Variants in SORT1 observed in about 807,000 individuals in gnomAD.
SORT1 encodes sortilin 1.
A neutral mutation model predicts 101.7 loss-of-function variants in SORT1; 39 were observed. The observed-to-expected ratio is 0.38, with a 90% CI of 0.30 to 0.50. The LOEUF is 0.50. Among genes scored for constraint, SORT1 ranks in the 20% least tolerant of loss-of-function variants. The probability of loss-of-function intolerance (pLI) is 0.90; values close to 1 mark genes in which losing one functional copy is unlikely to be tolerated. For synonymous variants in SORT1, 396 were observed against 393.7 expected (o/e 1.01, Z -0.07); for missense variants, 878 against 1,040.4 (o/e 0.84, Z 2.15).
At chr1:109,348,359 A>C (rs895954903) in intron 6 of SORT1, among the ~76,000 whole-genome samples, 13 of 152,090 alleles carry the variant, frequency 8.5e-5, no homozygotes, top group African/African-American at 3.1e-4. Context: ...GTGAGTAAAC[A>C]GCAGCATCCT....
chr1:109,315,596 C>CCT (rs1658983097), intron 17 of SORT1, among the ~76,000 whole-genome samples: 1 of 152,080 alleles, frequency 6.6e-6, no homozygotes, highest in African/African-American at 2.4e-5. Flanking sequence ...TCCAGCTTGA[C>CCT]CTCTCCTATT....
chr1:109,319,952 C>T (rs549897229), intron 15 of SORT1, among the ~76,000 whole-genome samples: 11 of 152,096 alleles, frequency 7.2e-5, no homozygotes, highest in East Asian at 5.8e-4. Context: ...GGAGCCCTCT[C>T]GGGTCTCATT....
At chr1:109,332,987 G>A (rs1310918374) in intron 11 of SORT1, among the ~76,000 whole-genome samples, 2 of 152,096 alleles carry the variant, frequency 1.3e-5, no homozygotes, top group Admixed American at 1.3e-4. Flanking sequence ...GAGTGCAATG[G>A]TGCGGTCTCG....
intron 6 of SORT1, among the ~76,000 whole-genome samples, chr1:109,348,573 C>G (rs1649749688): frequency 6.6e-6 from 1 of 152,132 alleles, no homozygotes; most frequent in Admixed American, 6.6e-5. Context: ...ACTGCAGCCT[C>G]GAACTCCTCG....
intron 9 of SORT1, 60 bp from the exon 10 acceptor site, chr1:109,340,939 T>C (rs764624912): frequency 1.5e-6 from 2 of 1,373,182 alleles, no homozygotes; most frequent in Non-Finnish European, 2.0e-6. Context: ...AGAAAAACAA[T>C]AGTCTAACCA....
At chr1:109,320,050 C>T (rs983134615) in intron 15 of SORT1, among the ~76,000 whole-genome samples, 1 of 152,050 alleles carries the variant, frequency 6.6e-6, no homozygotes, top group African/African-American at 2.4e-5. Flanking sequence ...ATCTGTTTCT[C>T]TGCCCTCTGC....
chr1:109,390,184 G>A (rs1197334163), intron 1 of SORT1, among the ~76,000 whole-genome samples: 1 of 152,096 alleles, frequency 6.6e-6, no homozygotes, highest in African/African-American at 2.4e-5. Flanking sequence ...TCAGCCAGAG[G>A]GCTTTCCCAG....
At chr1:109,328,429 T>G (rs1648228333) in intron 11 of SORT1, among the ~76,000 whole-genome samples, 1 of 152,246 alleles carries the variant, frequency 6.6e-6, no homozygotes, top group Non-Finnish European at 1.5e-5. Context: ...CTAATCTGTG[T>G]GAGGAGATAC....
At chr1:109,397,417 C>A (rs979609870) in intron 1 of SORT1, 170 bp downstream of exon 1, 50 of 231,120 alleles carry the variant, frequency 2.2e-4, no homozygotes, top group African/African-American at 1.1e-3. Context: ...CGCCGGCCGC[C>A]CGGGCCCGAC....
At chr1:109,385,538 A>G (rs1356613034) in intron 1 of SORT1, among the ~76,000 whole-genome samples, 1 of 152,216 alleles carries the variant, frequency 6.6e-6, no homozygotes, top group Non-Finnish European at 1.5e-5. Context: ...AAGAAAAGAA[A>G]GTGACAGAGA....
At chr1:109,380,811 C>CAT in intron 1 of SORT1, among the ~76,000 whole-genome samples, 1 of 11,856 alleles carries the variant, frequency 8.4e-5, no homozygotes, top group South Asian at 3.2e-3. Context: ...ACCCTGTCGC[C>CAT]ACAAAAAAAA....
chr1:109,334,668 A>T (rs1378322404), intron 11 of SORT1, among the ~76,000 whole-genome samples: 1 of 152,170 alleles, frequency 6.6e-6, no homozygotes, highest in Non-Finnish European at 1.5e-5. Flanking sequence ...ATAGATCCTA[A>T]ATGTTCTCAC....
chr1:109,325,119 CAG>C, intron 13 of SORT1, 30 bp from the exon 14 acceptor site: 1 of 1,524,032 alleles, frequency 6.6e-7, no homozygotes, highest in Middle Eastern at 1.7e-4. Context: ...AAGATCATGA[CAG>C]AGGATCAATG....
chr1:109,395,199 A>C, intron 1 of SORT1, among the ~76,000 whole-genome samples: 1 of 148,124 alleles, frequency 6.8e-6, no homozygotes. Flanking sequence ...TGACTAACAA[A>C]CGCAAAAACT....
chr1:109,372,144 G>A (rs934692771), intron 1 of SORT1, among the ~76,000 whole-genome samples: 5 of 152,198 alleles, frequency 3.3e-5, no homozygotes, highest in African/African-American at 1.2e-4. Context: ...GTCATGGTTA[G>A]GAGACAGAAT....
At chr1:109,372,311 C>T (rs947657328) in intron 1 of SORT1, among the ~76,000 whole-genome samples, 2 of 152,210 alleles carry the variant, frequency 1.3e-5, no homozygotes, top group African/African-American at 2.4e-5. Context: ...GCCTGTCCTC[C>T]CCACTAGACC....
intron 1 of SORT1, among the ~76,000 whole-genome samples, chr1:109,371,990 C>A (rs1651507645): frequency 1.3e-5 from 2 of 152,124 alleles, no homozygotes; most frequent in Non-Finnish European, 2.9e-5. Context: ...GATGTTACAG[C>A]AGGCCCAAAG....
At chr1:109,318,168 T>G (rs1647367769) in intron 15 of SORT1, among the ~76,000 whole-genome samples, 199 bp from the exon 16 acceptor site, 2 of 151,628 alleles carry the variant, frequency 1.3e-5, no homozygotes. Flanking sequence ...TTTTTTTTTT[T>G]TTTGAGATGG....
At chr1:109,385,453 G>C (rs1322857179) in intron 1 of SORT1, among the ~76,000 whole-genome samples, 1 of 152,176 alleles carries the variant, frequency 6.6e-6, no homozygotes, top group African/African-American at 2.4e-5. Context: ...TCACTTCCAT[G>C]AAACAATTCA....
Sources: gnomAD v4.1 joint callset for allele counts (sites outside exome capture counted in the v4.1 genomes callset) on GRCh38, gnomAD v4.1.1 for gene constraint, MANE v1.5 for transcripts, NCBI Gene and HGNC (gene_info 2026-07-23, HGNC 2026-07-21) for gene names.